Variants in SLC12A6 observed in about 807,000 individuals in gnomAD.
The protein encoded by SLC12A6 is K-Cl cotransporter 3.
A neutral mutation model predicts 135.3 loss-of-function variants in SLC12A6; 66 were observed. The ratio of observed to expected loss-of-function variants is 0.49; its 90% CI spans 0.40 to 0.60. SLC12A6 has a LOEUF of 0.60. SLC12A6 is among the 20% of genes least tolerant of loss of function. SLC12A6 has a pLI of 0.00. For missense variants in SLC12A6, 1,058 were observed against 1,452.3 expected (o/e 0.73, Z 4.41); for synonymous variants, 513 against 508.8 (o/e 1.01, Z -0.11).
intron 5 of SLC12A6, among the ~76,000 whole-genome samples, chr15:34,258,030 T>C (rs894290664): frequency 5.9e-5 from 9 of 152,204 alleles, no homozygotes; most frequent in African/African-American, 1.9e-4. Context: ...GTGTTTATTA[T>C]ACATAGGCAT....
chr15:34,277,216 C>T (rs1181123923), intron 2 of SLC12A6, among the ~76,000 whole-genome samples: 1 of 152,078 alleles, frequency 6.6e-6, no homozygotes, highest in Non-Finnish European at 1.5e-5. Context: ...GGGAGGATCA[C>T]GAGGCCAGGA....
At chr15:34,327,766 T>A (rs1230309060) in intron 2 of SLC12A6, among the ~76,000 whole-genome samples, 1 of 152,198 alleles carries the variant, frequency 6.6e-6, no homozygotes, top group African/African-American at 2.4e-5. Flanking sequence ...AAAACGTGGA[T>A]GTGTACATAA....
chr15:34,312,733 A>T (rs904170848), intron 2 of SLC12A6, among the ~76,000 whole-genome samples: 1 of 152,182 alleles, frequency 6.6e-6, no homozygotes, highest in African/African-American at 2.4e-5. Flanking sequence ...TTGTTTGTTT[A>T]CAAATTTAAA....
chr15:34,324,414 T>C (rs1433922010), intron 2 of SLC12A6, among the ~76,000 whole-genome samples: 2 of 152,222 alleles, frequency 1.3e-5, no homozygotes, highest in Non-Finnish European at 2.9e-5. Flanking sequence ...TTACACATAT[T>C]GTATTTATGT....
Position 34,233,659 on chromosome 15 carries a change from T to C in SLC12A6, c.*222A>G. ...AGACGTGGCTTGAAAGACTTGAGCA[T>C]TGTTCTGATGTTGAGGGAATATTTG... On this transcript the variant is annotated 3_prime_UTR_variant, in exon 26 of 26. Transcript: ENST00000354181. 1 of 529,588 alleles carries C rather than the reference T, an allele frequency of 1.9e-6. No individual in the cohort carries two copies. 32.8% of individuals were successfully genotyped at this position (529,588 alleles called of 1,614,324 possible). A position where few individuals can be genotyped will look rare whatever the true frequency, so the allele number is the denominator to read the frequency against.
In SLC12A6 at chr15:34,309,078, G is replaced by T. The variant is rs534269322; in HGVS notation, c.271+27332C>A. Among the ~76,000 whole-genome samples the T allele has an allele frequency of 2.6e-5, 4 of 152,204 alleles. No individual in the cohort carries two copies. In the East Asian group the frequency reaches 7.7e-4, roughly 29 times the overall value. The stretch of plus-strand genomic sequence containing the variant: ...CCTGATTGTTGTGAGGATTAAATAA[G>T]CCACAAACCAGTGCCTGGTTTGAAC... On this transcript the variant is annotated intron_variant, in intron 2 of 25. Transcript: ENST00000354181.
chr15:34,239,799 C>T (rs1891520344), intron 19 of SLC12A6, among the ~76,000 whole-genome samples: 1 of 151,802 alleles, frequency 6.6e-6, no homozygotes, highest in Non-Finnish European at 1.5e-5. Flanking sequence ...TGCAAAGGCA[C>T]AGATTAAATC....
chr15:34,277,651 C>A lies in SLC12A6; in HGVS notation c.272-2262G>T, dbSNP rs190959091. 7.9e-5 allele frequency among the ~76,000 whole-genome samples: 12 copies of A among 152,234 alleles called. No individual in the cohort carries two copies. In the East Asian group the frequency reaches 2.3e-3, roughly 29 times the overall value. On this transcript the variant is annotated intron_variant, in intron 2 of 25. Transcript: ENST00000354181. ...TTAGAACTAGAAGAACCTTGGTCAT[C>A]ATCTAAACCTACTCCAGTGACTCTA... is the stretch of plus-strand genomic sequence containing the variant.
chr15:34,330,743 C>G (rs898955718), intron 2 of SLC12A6, among the ~76,000 whole-genome samples: 1 of 151,580 alleles, frequency 6.6e-6, no homozygotes, highest in African/African-American at 2.4e-5. Context: ...TAAGAAGGTA[C>G]CAAATCAACA....
chr15:34,337,128 T>G (rs1890252607), intron 1 of SLC12A6: 1 of 276,200 alleles, frequency 3.6e-6, no homozygotes, highest in Non-Finnish European at 7.1e-6. Flanking sequence ...GCGAAGTGCG[T>G]GCAGGCAAAC....
rs776596338 is a variant in SLC12A6, at chr15:34,285,713, T to TATACACACACACACACACACA, written c.272-10325_272-10324insTGTGTGTGTGTGTGTGTGTAT. On this transcript the variant is annotated intron_variant, in intron 2 of 25. Coordinates refer to ENST00000354181, the MANE Select transcript of SLC12A6 (RefSeq NM_001365088.1). ...CTATATGTGTGTGTGTGTGTGTGTGTTTGTCATACATAAAATGGAATATTA... is the reference window on the plus strand; with the variant it reads ...CTATATGTGTGTGTGTGTGTGTGTGTATACACACACACACACACACATTGTCATACATAAAATGGAATATTA... Among the ~76,000 whole-genome samples the TATACACACACACACACACACA allele has an allele frequency of 8.0e-3, 363 of 45,172 alleles. 1 individual carries two copies. The highest frequency in any genetic ancestry group is 0.02 in the African/African-American group (355 of 18,058). The allele number at this position is 45,172 out of a possible 152,430, so 29.6% of individuals were successfully genotyped here.
chr15:34,317,292 T>G (rs1888717116), intron 2 of SLC12A6, among the ~76,000 whole-genome samples: 1 of 152,208 alleles, frequency 6.6e-6, no homozygotes, highest in African/African-American at 2.4e-5. Flanking sequence ...TCAAACAAGA[T>G]TCATAAAAAT....
At chr15:34,337,172 C>T (rs150868757) in intron 1 of SLC12A6, 160 bp downstream of exon 1, 7 of 234,706 alleles carry the variant, frequency 3.0e-5, no homozygotes, top group Non-Finnish European at 6.0e-5. Context: ...GATCAGATTG[C>T]TAAAAGGTGT....
intron 4 of SLC12A6, 32 bp downstream of exon 4, chr15:34,260,894 G>T: frequency 1.1e-6 from 1 of 910,852 alleles, no homozygotes; most frequent in Non-Finnish European, 1.9e-6. Context: ...TGTTCCTAAA[G>T]TCTCAGTCCA....
chr15:34,273,073 G>A (rs893976672), intron 3 of SLC12A6, among the ~76,000 whole-genome samples: 274 of 152,164 alleles, frequency 1.8e-3, no homozygotes, highest in African/African-American at 6.4e-3. Context: ...AAAAGTGGCC[G>A]GGAGTGGTGG....
At chr15:34,308,644 A>AAAAAC (rs1273409935) in intron 2 of SLC12A6, among the ~76,000 whole-genome samples, 1,760 of 149,256 alleles carry the variant, frequency 0.012, 37 homozygotes, top group African/African-American at 0.043. Context: ...AAAAAAAAAA[A>AAAAAC]AAAAAAAACA....
chr15:34,268,138 T>C (rs1015393275), intron 3 of SLC12A6, among the ~76,000 whole-genome samples: 8 of 152,164 alleles, frequency 5.3e-5, no homozygotes, highest in African/African-American at 1.9e-4. Flanking sequence ...AACCTTACAA[T>C]GATGCTGTTA....
chr15:34,333,573 C>G (rs1387463462), intron 2 of SLC12A6, among the ~76,000 whole-genome samples: 1 of 152,094 alleles, frequency 6.6e-6, no homozygotes, highest in Non-Finnish European at 1.5e-5. Context: ...CATCCACTCT[C>G]AACAGTTTCT....
chr15:34,256,556 C>A (rs1372162326), intron 6 of SLC12A6, among the ~76,000 whole-genome samples: 2 of 152,070 alleles, frequency 1.3e-5, no homozygotes, highest in Admixed American at 6.6e-5. Context: ...TTCCTAGTTA[C>A]ACAGGAAATA....
Sources: allele counts gnomAD v4.1 joint callset (sites outside exome capture counted in the v4.1 genomes callset), GRCh38; gene constraint gnomAD v4.1.1; transcripts MANE v1.5; gene names NCBI Gene and HGNC (gene_info 2026-07-23, HGNC 2026-07-21).